Variants in NPAS3 observed in about 807,000 individuals in gnomAD.
NPAS3 encodes neuronal PAS domain-containing protein 3.
Under a neutral mutation model 73.1 loss-of-function variants are expected in NPAS3, and 14 were observed. The ratio of observed to expected loss-of-function variants is 0.19; its 90% CI spans 0.13 to 0.30. NPAS3 has a LOEUF of 0.30. Ranked by LOEUF, NPAS3 falls within the 10% of genes least tolerant of loss-of-function variation. The pLI, the probability that NPAS3 is intolerant of heterozygous loss-of-function variation, is 1.00. For missense variants in NPAS3, 1,096 were observed against 1,250.0 expected, an observed-to-expected ratio of 0.88 and a Z score of 1.86; for synonymous variants, 620 against 541.5, an observed-to-expected ratio of 1.14 and a Z score of -2.01.
chr14:33,138,034 T>C (rs749229001), intron 2 of NPAS3, among the ~76,000 whole-genome samples: 2 of 148,376 alleles, frequency 1.3e-5, no homozygotes, highest in Non-Finnish European at 3.0e-5. Flanking sequence ...TTGTGGAGAA[T>C]TGGACATAAT....
intron 4 of NPAS3, among the ~76,000 whole-genome samples, chr14:33,470,929 T>C (rs1157040696): frequency 1.6e-5 from 2 of 125,778 alleles, no homozygotes; most frequent in Admixed American, 7.5e-5. Context: ...TTGTAGAGCA[T>C]ATTTAAAAAA....
chr14:33,735,440 T>C, intron 7 of NPAS3, 108 bp downstream of exon 7: 3 of 777,960 alleles, frequency 3.9e-6, no homozygotes, highest in Non-Finnish European at 6.8e-6. Context: ...CATGTGATCT[T>C]GAGGAGCCCA....
intron 2 of NPAS3, among the ~76,000 whole-genome samples, chr14:33,113,390 T>G (rs2042959997): frequency 6.6e-6 from 1 of 152,168 alleles, no homozygotes; most frequent in Admixed American, 6.5e-5. Context: ...TCACGTCCCT[T>G]GTAAGTTGGA....
intron 4 of NPAS3, among the ~76,000 whole-genome samples, chr14:33,418,124 A>G (rs1180063115): frequency 3.3e-5 from 5 of 151,944 alleles, no homozygotes; most frequent in Non-Finnish European, 7.4e-5. Context: ...ATACTTACCT[A>G]CAACTTTAAA....
At chr14:33,730,611 A>G (rs983053252) in intron 6 of NPAS3, among the ~76,000 whole-genome samples, 1 of 152,208 alleles carries the variant, frequency 6.6e-6, no homozygotes, top group Admixed American at 6.5e-5. Flanking sequence ...ACATTCATTG[A>G]CTAAAGCAAG....
intron 2 of NPAS3, among the ~76,000 whole-genome samples, chr14:33,190,702 A>G (rs2046138962): frequency 6.6e-6 from 1 of 152,180 alleles, no homozygotes; most frequent in South Asian, 2.1e-4. Context: ...GTGGGACTGT[A>G]TGTCTCTGCT....
At chr14:32,988,814 C>T (rs2038200263) in intron 1 of NPAS3, among the ~76,000 whole-genome samples, 2 of 152,198 alleles carry the variant, frequency 1.3e-5, no homozygotes, top group African/African-American at 4.8e-5. Flanking sequence ...GAAGACCTTC[C>T]AATTTATACT....
At chr14:33,148,408 C>G (rs912992634) in intron 2 of NPAS3, among the ~76,000 whole-genome samples, 1 of 152,070 alleles carries the variant, frequency 6.6e-6, no homozygotes, top group Non-Finnish European at 1.5e-5. Flanking sequence ...TAGAGATGCC[C>G]TGTCCATTAT....
chr14:33,246,837 TACAAAAAAA>T (rs2048404289), intron 3 of NPAS3, among the ~76,000 whole-genome samples: 1 of 7,500 alleles, frequency 1.3e-4, no homozygotes, highest in African/African-American at 8.9e-4. Flanking sequence ...CTATTAAAAA[TACAAAAAAA>T]AAAAAAAAAA....
chr14:33,290,978 G>T (rs76140684), intron 3 of NPAS3, among the ~76,000 whole-genome samples: 5,429 of 151,946 alleles, frequency 0.036, 111 homozygotes, highest in Non-Finnish European at 0.054. Context: ...TTTATGACTA[G>T]TTTTATGAAT....
At chr14:33,339,780 T>G (rs1270393036) in intron 3 of NPAS3, among the ~76,000 whole-genome samples, 4 of 152,236 alleles carry the variant, frequency 2.6e-5, no homozygotes, top group African/African-American at 9.6e-5. Context: ...AGGATTCCCA[T>G]CAAAGTAGCA....
At chr14:33,218,067 A>AATGTGGTT (rs1466658934) in intron 3 of NPAS3, among the ~76,000 whole-genome samples, 1 of 152,164 alleles carries the variant, frequency 6.6e-6, no homozygotes, top group African/African-American at 2.4e-5. Context: ...AAGAAGATAA[A>AATGTGGTT]ATGTGGTTGC....
At chr14:33,162,458 A>G (rs1208520633) in intron 2 of NPAS3, among the ~76,000 whole-genome samples, 2 of 152,176 alleles carry the variant, frequency 1.3e-5, no homozygotes, top group African/African-American at 2.4e-5. Context: ...AGAATTAATA[A>G]GGACTAATCT....
chr14:33,138,069 T>G (rs2043907337), intron 2 of NPAS3, among the ~76,000 whole-genome samples: 1 of 151,690 alleles, frequency 6.6e-6, no homozygotes, highest in African/African-American at 2.4e-5. Flanking sequence ...TTTTTTTAAT[T>G]ATACTTTAAG....
chr14:32,981,487 C>T (rs1053945415), intron 1 of NPAS3, among the ~76,000 whole-genome samples: 2 of 152,164 alleles, frequency 1.3e-5, no homozygotes, highest in East Asian at 3.9e-4. Context: ...GTATTAAGCA[C>T]AGTTGTATCT....
chr14:33,092,502 G>A lies in NPAS3; in HGVS notation c.140+36508G>A, dbSNP rs571769624. On this transcript the variant is annotated intron_variant, in intron 2 of 11. Coordinates refer to ENST00000356141, the Ensembl canonical transcript of NPAS3. ...ACAAATGGAAGAACATTCCATGGTC[G>A]TGGATAGGAAGAATCAATATTGTGA... Among the ~76,000 whole-genome samples the A allele has an allele frequency of 1.6e-4, 24 of 152,262 alleles. 1 individual carries two copies. Among genetic ancestry groups the A allele is most frequent in the Middle Eastern group, 6.8e-3 (2 of 294 alleles).
intron 5 of NPAS3, among the ~76,000 whole-genome samples, chr14:33,631,436 C>G (rs1368786033): frequency 6.6e-6 from 1 of 152,162 alleles, no homozygotes; most frequent in African/African-American, 2.4e-5. Context: ...TGAAAGCCTT[C>G]AAAACCCCAT....
intron 3 of NPAS3, among the ~76,000 whole-genome samples, chr14:33,279,394 G>A (rs2041487496): frequency 6.6e-6 from 1 of 152,040 alleles, no homozygotes; most frequent in Non-Finnish European, 1.5e-5. Flanking sequence ...TGTCACTTTA[G>A]GTACATGGAC....
At chr14:33,113,147 C>T (rs1205018662) in intron 2 of NPAS3, among the ~76,000 whole-genome samples, 2 of 152,112 alleles carry the variant, frequency 1.3e-5, no homozygotes, top group Admixed American at 6.6e-5. Context: ...CTTGGCAATG[C>T]AGGCTCTTTT....
Sources: allele counts gnomAD v4.1 joint callset (sites outside exome capture counted in the v4.1 genomes callset), GRCh38; gene constraint gnomAD v4.1.1; transcripts MANE v1.5; gene names NCBI Gene and HGNC (gene_info 2026-07-23, HGNC 2026-07-21).